The following TMEM9B variants were observed in gnomAD, a reference collection of about 807,000 sequenced individuals.
TMEM9B encodes the protein transmembrane protein 9B.
TMEM9B carries 8 observed loss-of-function variants against 23.5 expected under a neutral mutation model. That is an observed-to-expected ratio of 0.34 (90% CI 0.20 to 0.61). The LOEUF (loss-of-function observed/expected upper bound fraction) is 0.61. Among genes scored for constraint, TMEM9B ranks in the 20% least tolerant of loss-of-function variants. The probability of loss-of-function intolerance (pLI) is 0.78; values close to 1 mark genes in which losing one functional copy is unlikely to be tolerated. For synonymous variants in TMEM9B, 106 were observed against 96.3 expected, an observed-to-expected ratio of 1.10 and a Z score of -0.59; for missense variants, 197 against 252.3, an observed-to-expected ratio of 0.78 and a Z score of 1.49.
chr11:8,954,112 A>G (rs948860022), intron 3 of TMEM9B, among the ~76,000 whole-genome samples: 1 of 152,240 alleles, frequency 6.6e-6, no homozygotes, highest in Non-Finnish European at 1.5e-5. Context: ...TTGCATAAAC[A>G]TCAAAAACAT....
intron 2 of TMEM9B, among the ~76,000 whole-genome samples, chr11:8,960,663 A>G (rs904733722): frequency 1.3e-5 from 2 of 152,132 alleles, no homozygotes; most frequent in African/African-American, 2.4e-5. Flanking sequence ...TAGAAGTAAC[A>G]TAAAGATTTA....
At chr11:8,958,418 C>T (rs1231164438) in intron 2 of TMEM9B, among the ~76,000 whole-genome samples, 14 of 148,668 alleles carry the variant, frequency 9.4e-5, no homozygotes, top group Admixed American at 3.3e-4. Flanking sequence ...GCCGAGATCG[C>T]GCCATTGCAC....
chr11:8,963,489 G>A (rs1184059201), intron 1 of TMEM9B, among the ~76,000 whole-genome samples: 1 of 152,200 alleles, frequency 6.6e-6, no homozygotes, highest in East Asian at 1.9e-4. Context: ...ACAGTATGAG[G>A]GAACTAGAAG....
Position 8,962,089 on chromosome 11 carries a change from T to C in TMEM9B, c.197+3A>G. 1 of 1,561,496 alleles carries C rather than the reference T, an allele frequency of 6.4e-7. No homozygotes were observed. Among genetic ancestry groups the C allele is most frequent in the African/African-American group, 1.4e-5 (1 of 73,080 alleles). On this transcript the variant is annotated splice_donor_region_variant and intron_variant, in intron 2 of 4. Coordinates refer to ENST00000534025, the MANE Select transcript of TMEM9B (RefSeq NM_020644.3). ...CAGGTAATTCAGTAATCCAGATACT[T>C]ACCAATCTTTCTGAGATATGTTCTT... is the stretch of plus-strand genomic sequence containing the variant.
At chr11:8,953,109 G>A (rs762380544) in intron 4 of TMEM9B, 94 bp downstream of exon 4, 19 of 1,490,970 alleles carry the variant, frequency 1.3e-5, no homozygotes, top group Admixed American at 6.7e-5. Flanking sequence ...GCTTCAGCAC[G>A]TGAACATCTA....
rs559143994 is a variant in TMEM9B, at chr11:8,957,568, AATACTCTAT to A, written c.198-1279_198-1271del. Among the ~76,000 whole-genome samples the A allele has an allele frequency of 6.6e-6, 1 of 152,224 alleles. No individual in the cohort carries two copies. The highest frequency in any genetic ancestry group is 1.5e-5 in the Non-Finnish European group (1 of 68,050). On this transcript the variant is annotated intron_variant, in intron 2 of 4. Transcript: ENST00000534025. This position sits in a 1 kb window ranked among gnomAD's most constrained non-coding sequence, Gnocchi z 4.3. The stretch of plus-strand genomic sequence containing the variant: ...CTTACCCATTCTCTTGGGGACACCC[AATACTCTAT>A]AGAGTGATTCCTTCTCTTTCCCCAC...
intron 2 of TMEM9B, among the ~76,000 whole-genome samples, chr11:8,956,723 G>A (rs1419120013): frequency 1.3e-5 from 2 of 152,062 alleles, no homozygotes; most frequent in African/African-American, 4.8e-5. Context: ...ATTCTTTTTT[G>A]TTGTTGTTTT....
intron 2 of TMEM9B, among the ~76,000 whole-genome samples, chr11:8,958,736 T>C (rs954395868): frequency 3.3e-5 from 5 of 151,668 alleles, no homozygotes; most frequent in Non-Finnish European, 7.4e-5. Context: ...CATGCCCGAC[T>C]AATTTTGTAT....
chr11:8,964,733 T>G, upstream of TMEM9B: 1 of 174,740 alleles, frequency 5.7e-6, no homozygotes, highest in Non-Finnish European at 1.2e-5. Flanking sequence ...TGTCACACAG[T>G]CGCCTCTGGC....
chr11:8,954,629 A>G (rs1162483451), intron 3 of TMEM9B, among the ~76,000 whole-genome samples: 1 of 152,202 alleles, frequency 6.6e-6, no homozygotes, highest in Non-Finnish European at 1.5e-5. Flanking sequence ...ACTAAAATTT[A>G]TAGAATTGTA....
chr11:8,948,829 A>G (rs534772738), intron 4 of TMEM9B, among the ~76,000 whole-genome samples: 5 of 152,238 alleles, frequency 3.3e-5, no homozygotes, highest in Admixed American at 1.3e-4. Flanking sequence ...ATCTATTTTC[A>G]TGTTAACATC....
chr11:8,959,280 AAAAT>A (rs1237422777), intron 2 of TMEM9B, among the ~76,000 whole-genome samples: 5 of 152,238 alleles, frequency 3.3e-5, no homozygotes, highest in African/African-American at 4.8e-5. Context: ...AGTGTCGACA[AAAAT>A]AAAAATTAGC....
upstream of TMEM9B, chr11:8,964,740 T>G (rs2134883061): frequency 5.8e-6 from 1 of 173,666 alleles, no homozygotes; most frequent in East Asian, 1.8e-4. Context: ...CAGTCGCCTC[T>G]GGCGACCCGT....
intron 4 of TMEM9B, among the ~76,000 whole-genome samples, chr11:8,949,900 T>C (rs1853844300): frequency 6.6e-6 from 1 of 151,790 alleles, no homozygotes; most frequent in African/African-American, 2.4e-5. Flanking sequence ...TTTTTTTTTT[T>C]TTTTTGAAAT....
chr11:8,950,214 C>G (rs1296965345), intron 4 of TMEM9B, among the ~76,000 whole-genome samples: 1 of 151,988 alleles, frequency 6.6e-6, no homozygotes, highest in East Asian at 1.9e-4. Flanking sequence ...GACCCAAGGT[C>G]ATTTAACAAA....
chr11:8,962,301 A>G, intron 1 of TMEM9B, 118 bp from the exon 2 acceptor site: 1 of 639,270 alleles, frequency 1.6e-6, no homozygotes. Context: ...TTCTAAAATC[A>G]TTCATTTAAA....
chr11:8,948,755 C>G (rs762521854), intron 4 of TMEM9B, among the ~76,000 whole-genome samples: 1 of 152,070 alleles, frequency 6.6e-6, no homozygotes, highest in South Asian at 2.1e-4. Context: ...AAGTGGAGAC[C>G]AAGCAAAAGA....
At chr11:8,952,150 G>C (rs1482016720) in intron 4 of TMEM9B, among the ~76,000 whole-genome samples, 2 of 151,976 alleles carry the variant, frequency 1.3e-5, no homozygotes, top group African/African-American at 2.4e-5. Context: ...CTGAAAAACA[G>C]ATTTGTGGAC....
intron 2 of TMEM9B, among the ~76,000 whole-genome samples, chr11:8,959,043 C>T (rs1331121730): frequency 6.6e-6 from 1 of 152,116 alleles, no homozygotes; most frequent in Non-Finnish European, 1.5e-5. Context: ...GATGCAGGCA[C>T]AAAATGGGCA....
Sources: gnomAD v4.1 joint callset for allele counts (sites outside exome capture counted in the v4.1 genomes callset) on GRCh38, gnomAD v4.1.1 for gene constraint, Gnocchi (gnomAD v3.1) non-coding constraint, MANE v1.5 for transcripts, NCBI Gene and HGNC (gene_info 2026-07-23, HGNC 2026-07-21) for gene names.